The following CDH13 variants were observed in gnomAD, a reference collection of about 807,000 sequenced individuals.
The protein encoded by CDH13 is cadherin 13.
CDH13 carries 24 observed loss-of-function variants against 63.8 expected under a neutral mutation model. The observed-to-expected ratio is 0.38, with a 90% CI of 0.27 to 0.53. The LOEUF is 0.53. Ranked by LOEUF, CDH13 falls within the 20% of genes least tolerant of loss-of-function variation. The pLI is 0.85. For synonymous variants in CDH13, 503 were observed against 355.3 expected (o/e 1.42, Z -4.67); for missense variants, 1,049 against 903.1 (o/e 1.16, Z -2.07).
chr16:83,464,069 A>ATTGTT (rs553465575), intron 6 of CDH13, among the ~76,000 whole-genome samples: 139 of 152,140 alleles, frequency 9.1e-4, no homozygotes, highest in Middle Eastern at 3.4e-3. Flanking sequence ...GGGGGATTTT[A>ATTGTT]TTGTTTTGTT....
At chr16:83,457,031 A>G (rs1383557829) in intron 6 of CDH13, among the ~76,000 whole-genome samples, 1 of 152,160 alleles carries the variant, frequency 6.6e-6, no homozygotes, top group Non-Finnish European at 1.5e-5. Flanking sequence ...AGCAAGAGGC[A>G]GGTTACTAGG....
chr16:83,553,173 G>A (rs995775096), intron 7 of CDH13, among the ~76,000 whole-genome samples: 1 of 152,132 alleles, frequency 6.6e-6, no homozygotes, highest in Non-Finnish European at 1.5e-5. Flanking sequence ...ACGGTATTCG[G>A]TGGAAACTCT....
chr16:82,998,351 C>T (rs1459796451), intron 2 of CDH13, among the ~76,000 whole-genome samples: 2 of 152,166 alleles, frequency 1.3e-5, no homozygotes, highest in Non-Finnish European at 2.9e-5. Flanking sequence ...AGCAAAAAAG[C>T]ATTTCCAACT....
chr16:82,912,505 A>G (rs2041862168), intron 2 of CDH13, among the ~76,000 whole-genome samples: 1 of 152,300 alleles, frequency 6.6e-6, no homozygotes, highest in Non-Finnish European at 1.5e-5. Flanking sequence ...AGGTCAAAAC[A>G]TTTCTTAAAG....
chr16:82,800,515 C>G (rs2036798436), intron 1 of CDH13, among the ~76,000 whole-genome samples: 1 of 152,170 alleles, frequency 6.6e-6, no homozygotes, highest in African/African-American at 2.4e-5. Flanking sequence ...TGGAAAAATG[C>G]TTCAGATGTT....
intron 5 of CDH13, among the ~76,000 whole-genome samples, chr16:83,339,706 T>C (rs2090679626): frequency 6.6e-6 from 1 of 151,974 alleles, no homozygotes; most frequent in African/African-American, 2.4e-5. Context: ...TTCACAGATG[T>C]CCCCCACCTC....
intron 7 of CDH13, among the ~76,000 whole-genome samples, chr16:83,544,828 T>C (rs149886633): frequency 2.0e-5 from 3 of 152,292 alleles, no homozygotes; most frequent in South Asian, 2.1e-4. Context: ...TCAAAGGGTA[T>C]CTACTAGGAT....
chr16:83,437,405 G>C (rs1567672173), intron 6 of CDH13, among the ~76,000 whole-genome samples: 1 of 152,180 alleles, frequency 6.6e-6, no homozygotes, highest in Non-Finnish European at 1.5e-5. Flanking sequence ...GCCGGGTACG[G>C]TGGCTCATGC....
chr16:83,084,131 C>G (rs929146836), intron 3 of CDH13, among the ~76,000 whole-genome samples: 1 of 152,168 alleles, frequency 6.6e-6, no homozygotes, highest in Non-Finnish European at 1.5e-5. Context: ...ATAGGTAGCG[C>G]TCTTCACACC....
Position 83,571,492 on chromosome 16 carries a change from T to G in CDH13, c.961-30962T>G, listed in dbSNP as rs141500038. Among the ~76,000 whole-genome samples the G allele has an allele frequency of 8.6e-3, 1,312 of 152,236 alleles. 19 individuals are homozygous for G. Among genetic ancestry groups the G allele is most frequent in the African/African-American group, 0.029 (1,201 of 41,530 alleles). ...TGAATTAGGCTAACAGAATCTAAGT[T>G]TAAGCAAATTTGAAAGAATGATCTT... On this transcript the variant is annotated intron_variant, in intron 7 of 13. Transcript: ENST00000567109.
intron 2 of CDH13, among the ~76,000 whole-genome samples, chr16:82,978,394 G>A (rs1328722457): frequency 1.3e-5 from 2 of 152,224 alleles, no homozygotes; most frequent in African/African-American, 4.8e-5. Context: ...TGTCTCCAGG[G>A]CATGTCAGGG....
intron 5 of CDH13, among the ~76,000 whole-genome samples, chr16:83,272,438 A>C (rs1021046961): frequency 1.3e-5 from 2 of 152,244 alleles, no homozygotes; most frequent in Non-Finnish European, 2.9e-5. Context: ...ATCGTACTGC[A>C]GTTAGCACTT....
At chr16:82,761,206 C>T (rs138295116) in intron 1 of CDH13, among the ~76,000 whole-genome samples, 98 of 151,280 alleles carry the variant, frequency 6.5e-4, no homozygotes, top group African/African-American at 2.3e-3. Context: ...GTATTTTTGA[C>T]GGGGTTTCAC....
chr16:83,317,948 C>G (rs2090141067), intron 5 of CDH13, among the ~76,000 whole-genome samples: 1 of 152,192 alleles, frequency 6.6e-6, no homozygotes, highest in Non-Finnish European at 1.5e-5. Context: ...AGTTTTACTT[C>G]ACATCCTTCT....
intron 1 of CDH13, among the ~76,000 whole-genome samples, chr16:82,797,091 C>T (rs896028177): frequency 1.3e-5 from 2 of 152,150 alleles, no homozygotes; most frequent in Admixed American, 6.5e-5. Flanking sequence ...AAAATTTGAC[C>T]TCAAAGCTGA....
intron 7 of CDH13, among the ~76,000 whole-genome samples, chr16:83,528,926 C>A (rs907892295): frequency 6.6e-6 from 1 of 152,160 alleles, no homozygotes; most frequent in African/African-American, 2.4e-5. Context: ...TGAGAAATGT[C>A]ACCAGGGTGG....
rs139213179 is a variant in CDH13 at position 82,675,451 on chromosome 16, G to A, written c.45+48314G>A. Among the ~76,000 whole-genome samples the A allele has an allele frequency of 1.8e-4, 27 of 152,262 alleles. No individual in the cohort carries two copies. The East Asian group carries it at 4.8e-3, about 27-fold the overall frequency. On this transcript the variant is annotated intron_variant, in intron 1 of 13. Coordinates refer to ENST00000567109, the MANE Select transcript of CDH13 (RefSeq NM_001257.5). ...ACACAGTAAAAACACAGCTTTTCCA[G>A]GACCCAGTAAGCTTGCCATTACCAA...
At chr16:83,581,709 C>G (rs1345594778) in intron 7 of CDH13, among the ~76,000 whole-genome samples, 1 of 152,122 alleles carries the variant, frequency 6.6e-6, no homozygotes, top group Non-Finnish European at 1.5e-5. Context: ...GTCCCAGCTG[C>G]TAGGGAGACT....
At chr16:83,105,660 T>TA (rs72278133) in intron 3 of CDH13, among the ~76,000 whole-genome samples, 19,446 of 150,074 alleles carry the variant, frequency 0.13, 2,850 homozygotes, top group African/African-American at 0.37. Flanking sequence ...TTATTAAAGT[T>TA]AAAAAAAAAA....
Sources: allele counts gnomAD v4.1 joint callset (sites outside exome capture counted in the v4.1 genomes callset), GRCh38; gene constraint gnomAD v4.1.1; transcripts MANE v1.5; gene names NCBI Gene and HGNC (gene_info 2026-07-23, HGNC 2026-07-21).